COL19A1: variants seen among roughly 807,000 people sequenced by gnomAD.
The protein encoded by COL19A1 is collagen alpha-1(XIX) chain.
Under a neutral mutation model 190.2 loss-of-function variants are expected in COL19A1, and 159 were observed. The ratio of observed to expected loss-of-function variants is 0.84; its 90% confidence interval spans 0.73 to 0.95. The LOEUF is 0.95. Ranked by LOEUF, COL19A1 falls within the 40% of genes least tolerant of loss-of-function variation. The pLI, the probability that COL19A1 is intolerant of heterozygous loss-of-function variation, is 0.00. For synonymous variants in COL19A1, 509 were observed against 458.9 expected, an observed-to-expected ratio of 1.11 and a Z score of -1.39; for missense variants, 1,418 against 1,431.9, an observed-to-expected ratio of 0.99 and a Z score of 0.16.
At chr6:70,110,339 C>G (rs1784214870) in intron 16 of COL19A1, among the ~76,000 whole-genome samples, 1 of 152,092 alleles carries the variant, frequency 6.6e-6, no homozygotes, top group South Asian at 2.1e-4. Flanking sequence ...ACAATCTCTT[C>G]TGTTAAATGA....
At position 69,893,298 on chromosome 6, in the gene COL19A1, A is replaced by G. The variant is rs60796396; in HGVS notation, c.92-5650A>G. Among the ~76,000 whole-genome samples, 1,271 of 152,338 alleles carry G rather than the reference A, an allele frequency of 8.3e-3. 20 individuals carry two copies. The highest frequency in any genetic ancestry group is 0.026 in the African/African-American group (1,096 of 41,578). On this transcript the variant is annotated intron_variant, in intron 2 of 50. Coordinates refer to ENST00000620364, the MANE Select transcript of COL19A1 (RefSeq NM_001858.6). Reference sequence around the variant, plus strand: ...ATTTCAGAGCACCTGTTACAGTTCTATAGCTTATTAGAAACCATCTTTTGA... The same window carrying G: ...ATTTCAGAGCACCTGTTACAGTTCTGTAGCTTATTAGAAACCATCTTTTGA...
chr6:70,141,930 T>C lies in COL19A1; in HGVS notation c.1518+2T>C, dbSNP rs1786278717. The stretch of plus-strand genomic sequence containing the variant: ...GTAATAGGATCACAGGGAGTAAAGG[T>C]AATTTCCTGGCATTCTTCAATTTCC... On this transcript the variant is annotated splice_donor_variant, in intron 21 of 50. Transcript: ENST00000620364. LOFTEE classifies it high-confidence loss of function. The C allele has an allele frequency of 1.2e-6, 2 of 1,606,214 alleles. No homozygotes were observed. The highest frequency in any genetic ancestry group is 4.5e-5 in the East Asian group (2 of 44,790).
At chr6:69,867,093 CTTTTT>C (rs3044170) in intron 1 of COL19A1, among the ~76,000 whole-genome samples, 6 of 141,084 alleles carry the variant, frequency 4.3e-5, no homozygotes, top group South Asian at 2.3e-4. Flanking sequence ...CGTTAGAGCG[CTTTTT>C]TTTTTTTTTT....
intron 40 of COL19A1, among the ~76,000 whole-genome samples, chr6:70,170,408 A>G (rs911170896): frequency 1.3e-5 from 2 of 152,222 alleles, no homozygotes; most frequent in African/African-American, 4.8e-5. Context: ...CCATGACAAT[A>G]GACCTGCCTC....
chr6:70,157,994 T>C (rs1014709540), intron 34 of COL19A1, among the ~76,000 whole-genome samples: 1 of 152,140 alleles, frequency 6.6e-6, no homozygotes, highest in African/African-American at 2.4e-5. Context: ...CTCCACACTT[T>C]AGCGGGCTTT....
chr6:70,187,433 A>G (rs1035660317), intron 46 of COL19A1, among the ~76,000 whole-genome samples: 1 of 131,020 alleles, frequency 7.6e-6, no homozygotes, highest in African/African-American at 2.7e-5. Flanking sequence ...TGGGGAGAGC[A>G]CATGATTTAG....
At chr6:69,932,299 A>G (rs1450016238) in intron 6 of COL19A1, among the ~76,000 whole-genome samples, 1 of 152,048 alleles carries the variant, frequency 6.6e-6, no homozygotes, top group Non-Finnish European at 1.5e-5. Context: ...TGAAATATAG[A>G]TAAAAAATTT....
At position 69,944,097 on chromosome 6, in the gene COL19A1, G is replaced by C. The variant is rs976519889; in HGVS notation, c.936+5997G>C. The stretch of plus-strand genomic sequence containing the variant: ...TCCTTTGTACCAGTTATGTATGCCT[G>C]AAGTGTCCTTGTCCACATCCACTTG... On this transcript the variant is annotated intron_variant, in intron 9 of 50. Coordinates refer to ENST00000620364, the MANE Select transcript of COL19A1 (RefSeq NM_001858.6). 3.9e-5 allele frequency among the ~76,000 whole-genome samples: 6 copies of C among 152,208 alleles called. No individual in the cohort carries two copies. The South Asian group carries it at 1.2e-3, about 32-fold the overall frequency.
At chr6:69,896,740 T>C (rs1769801958) in intron 2 of COL19A1, among the ~76,000 whole-genome samples, 1 of 152,188 alleles carries the variant, frequency 6.6e-6, no homozygotes. Flanking sequence ...TGATAACTAA[T>C]GATGTTGAGC....
intron 48 of COL19A1, among the ~76,000 whole-genome samples, chr6:70,190,913 TG>T (rs1383241798): frequency 3.9e-5 from 6 of 152,178 alleles, no homozygotes; most frequent in Non-Finnish European, 8.8e-5. Context: ...TAGGGAGCAG[TG>T]GGAGCGAGTT....
At chr6:69,982,429 TG>T in intron 11 of COL19A1, among the ~76,000 whole-genome samples, 1 of 151,908 alleles carries the variant, frequency 6.6e-6, no homozygotes, top group Middle Eastern at 3.4e-3. Flanking sequence ...TTAGTGGAGA[TG>T]GGGTTTCACT....
chr6:70,161,077 G>A (rs1385884865), intron 34 of COL19A1, among the ~76,000 whole-genome samples: 1 of 151,954 alleles, frequency 6.6e-6, no homozygotes, highest in Non-Finnish European at 1.5e-5. Context: ...AATCCTATCC[G>A]GTATAATTAG....
intron 18 of COL19A1, among the ~76,000 whole-genome samples, chr6:70,130,553 G>A (rs1785459457): frequency 6.6e-6 from 1 of 152,180 alleles, no homozygotes; most frequent in Non-Finnish European, 1.5e-5. Flanking sequence ...GTGAATAGAA[G>A]GGCCCAGTAT....
At chr6:69,986,902 A>G (rs990825330) in intron 11 of COL19A1, among the ~76,000 whole-genome samples, 4 of 151,924 alleles carry the variant, frequency 2.6e-5, no homozygotes, top group Non-Finnish European at 5.9e-5. Flanking sequence ...TACTTTTTGT[A>G]TTTTGTTTCA....
At chr6:70,112,022 T>C (rs1263121456) in intron 16 of COL19A1, among the ~76,000 whole-genome samples, 1 of 152,180 alleles carries the variant, frequency 6.6e-6, no homozygotes, top group Non-Finnish European at 1.5e-5. Flanking sequence ...GGAAGAGTTG[T>C]CATTCTACCA....
Position 70,122,003 on chromosome 6 carries a change from G to GA in COL19A1, c.1341+69dup, listed in dbSNP as rs571573308. ...AGAAATTTTATATGATTGTATTTTTGAAAAAAAACTTATTAATTCCTAACT... is the reference window on the plus strand; with the variant it reads ...AGAAATTTTATATGATTGTATTTTTGAAAAAAAAACTTATTAATTCCTAACT... On this transcript the variant is annotated intron_variant, in intron 17 of 50. Coordinates refer to ENST00000620364, the MANE Select transcript of COL19A1 (RefSeq NM_001858.6). 2.5e-4 allele frequency: 279 copies of GA among 1,121,288 alleles called. No individual in the cohort carries two copies. In the African/African-American group the frequency reaches 3.0e-3, roughly 12 times the overall value. The allele number at this position is 1,121,288 out of a possible 1,614,324, so 69.5% of individuals were successfully genotyped here.
chr6:69,979,416 T>C (rs1775910865), intron 11 of COL19A1, among the ~76,000 whole-genome samples: 2 of 151,902 alleles, frequency 1.3e-5, no homozygotes, highest in Admixed American at 6.6e-5. Context: ...GCATAAAAGT[T>C]AAATGATTAT....
chr6:69,997,188 A>G (rs1776967526), intron 11 of COL19A1, among the ~76,000 whole-genome samples: 1 of 152,156 alleles, frequency 6.6e-6, no homozygotes, highest in African/African-American at 2.4e-5. Flanking sequence ...GCAACATTGA[A>G]TGCCTTCTCC....
At chr6:70,142,725 CT>C in intron 22 of COL19A1, 41 bp from the exon 23 acceptor site, 1 of 1,458,802 alleles carries the variant, frequency 6.9e-7, no homozygotes, top group Non-Finnish European at 9.3e-7. Context: ...CTTTTTTTTT[CT>C]TTTTTAGCAA....
Sources: allele counts gnomAD v4.1 joint callset (sites outside exome capture counted in the v4.1 genomes callset), GRCh38; gene constraint gnomAD v4.1.1; transcripts MANE v1.5; gene names NCBI Gene and HGNC (gene_info 2026-07-23, HGNC 2026-07-21).